Variants in CCR9 observed in about 807,000 individuals in gnomAD.
CCR9 encodes the protein C-C motif chemokine receptor 9.
CCR9 carries 4 observed loss-of-function variants against 8.7 expected under a neutral mutation model. That is an observed-to-expected ratio of 0.46 (90% CI 0.23 to 1.06). CCR9 has a LOEUF of 1.06. CCR9 is among the 50% of genes least tolerant of loss of function. CCR9 has a pLI of 0.21. For missense variants in CCR9, 394 were observed against 453.6 expected (o/e 0.87, Z 1.19); for synonymous variants, 159 against 168.8 (o/e 0.94, Z 0.45).
chr3:45,888,034 C>CAATA (rs1702036642), intron 1 of CCR9, among the ~76,000 whole-genome samples: 1 of 152,214 alleles, frequency 6.6e-6, no homozygotes. Context: ...GCTGTGTGCA[C>CAATA]AATAACCCCA....
chr3:45,887,702 T>C (rs1702024824), intron 1 of CCR9, among the ~76,000 whole-genome samples: 1 of 152,216 alleles, frequency 6.6e-6, no homozygotes, highest in South Asian at 2.1e-4. Context: ...TTCCAATATC[T>C]GCTTATCTGT....
At position 45,901,017 on chromosome 3, in the gene CCR9, AC is replaced by A; in HGVS notation, c.230del (p.Thr77LysfsTer3). The A allele has an allele frequency of 1.2e-6, 2 of 1,614,172 alleles. No individual in the cohort carries two copies. The highest frequency in any genetic ancestry group is 1.7e-6 in the Non-Finnish European group (2 of 1,180,022). The stretch of plus-strand genomic sequence containing the variant: ...TGTTATCCTTGTCTACTGGTACTGC[AC>A]AAGAGTGAAGACCATGACCGACATG... ...SLVILVYWYC[T>X]RVKTMTDMFL... On this transcript the variant is annotated frameshift_variant, in exon 3 of 3. Coordinates refer to ENST00000357632, the MANE Select transcript of CCR9 (RefSeq NM_031200.3). LOFTEE classifies it low-confidence loss of function (END_TRUNC). This position sits in a 1 kb window ranked among gnomAD's most constrained non-coding sequence, Gnocchi z 4.3.
intron 1 of CCR9, among the ~76,000 whole-genome samples, chr3:45,889,620 A>G (rs1160319594): frequency 6.6e-6 from 1 of 152,060 alleles, no homozygotes; most frequent in African/African-American, 2.4e-5. Context: ...CACTGGTCAC[A>G]GTGGTTCAGT....
chr3:45,887,592 T>C (rs1702021561), intron 1 of CCR9, among the ~76,000 whole-genome samples: 1 of 152,254 alleles, frequency 6.6e-6, no homozygotes, highest in South Asian at 2.1e-4. Context: ...GGAAGGGCTG[T>C]GCAGCAGCCA....
rs565961298 is a variant in CCR9, at chr3:45,899,574, G to C, written c.22-1236G>C. Among the ~76,000 whole-genome samples, 115 of 152,312 alleles carry C rather than the reference G, an allele frequency of 7.6e-4. 1 individual carries two copies. The highest frequency in any genetic ancestry group is 2.6e-3 in the African/African-American group (108 of 41,574). On this transcript the variant is annotated intron_variant, in intron 2 of 2. Transcript: ENST00000357632. Reference sequence around the variant, plus strand: ...TGCATTTGCCTCAGGATAAATAAAAGTAGAGATGAGATTTGGCAAGGAATG... The same window carrying C: ...TGCATTTGCCTCAGGATAAATAAAACTAGAGATGAGATTTGGCAAGGAATG...
rs12721497 is a variant in CCR9 at position 45,901,638 on chromosome 3, A to G, written c.850A>G (p.Met284Val). ...LLVQTIDAYA[M>V]FISNCAVSTN... ...GGTGCAGACCATTGACGCCTATGCC[A>G]TGTTCATCTCCAACTGTGCCGTTTC... Residue 284 changes from methionine (M) to valine (V), a missense_variant, in exon 3 of 3, where the codon ATG becomes GTG. Physicochemically the swap from Met to Val is conservative, Grantham distance 21. Transcript: ENST00000357632. The surrounding 1 kb of genome is among the most constrained non-coding windows in gnomAD (Gnocchi z 4.3). The G allele has an allele frequency of 1.9e-3, 3,002 of 1,614,184 alleles. 15 individuals carry two copies. The highest frequency in any genetic ancestry group is 0.015 in the African/African-American group (1,146 of 75,042).
At chr3:45,898,693 A>C (rs79863066) in intron 2 of CCR9, among the ~76,000 whole-genome samples, 2,183 of 152,342 alleles carry the variant, frequency 0.014, 52 homozygotes, top group African/African-American at 0.049. Context: ...CCCAAATAGG[A>C]CTAACATCTA....
At chr3:45,894,694 A>G (rs890800701) in intron 1 of CCR9, among the ~76,000 whole-genome samples, 1 of 152,222 alleles carries the variant, frequency 6.6e-6, no homozygotes, top group Admixed American at 6.5e-5. Context: ...AAAGAAGTGA[A>G]TGATAACTTC....
intron 2 of CCR9, chr3:45,897,743 T>C: frequency 1.5e-6 from 1 of 655,038 alleles, no homozygotes; most frequent in South Asian, 2.0e-5. Flanking sequence ...GCATGCCCTC[T>C]TTCCTCCCTT....
chr3:45,886,158 G>A (rs143323327), upstream of CCR9, among the ~76,000 whole-genome samples: 1,475 of 152,280 alleles, frequency 9.7e-3, 56 homozygotes, highest in Admixed American at 0.086. Context: ...TGCTACATCT[G>A]CCACTGGGTG....
chr3:45,893,303 C>T (rs1373884475), intron 1 of CCR9, among the ~76,000 whole-genome samples: 2 of 152,114 alleles, frequency 1.3e-5, no homozygotes, highest in Admixed American at 6.5e-5. Flanking sequence ...TACAGGCGCA[C>T]ACCACCACAC....
At chr3:45,897,077 C>G (rs1433634135) in intron 2 of CCR9, among the ~76,000 whole-genome samples, 1 of 152,164 alleles carries the variant, frequency 6.6e-6, no homozygotes, top group Non-Finnish European at 1.5e-5. Flanking sequence ...GGAGCAACAG[C>G]CTGTGGGCTC....
At position 45,900,809 on chromosome 3, in the gene CCR9, G is replaced by A. The variant is rs756208999; in HGVS notation, c.22-1G>A. The stretch of plus-strand genomic sequence containing the variant: ...TAATGCCATCTTGTGTCCCCTTGCA[G>A]AGCCCTATTCCTAACATGGCTGATG... On this transcript the variant is annotated splice_acceptor_variant, in intron 2 of 2. Coordinates refer to ENST00000357632, the MANE Select transcript of CCR9 (RefSeq NM_031200.3). LOFTEE classifies it high-confidence loss of function. The surrounding 1 kb of genome is among the most constrained non-coding windows in gnomAD (Gnocchi z 4.7). 8 of 1,606,234 alleles carry A rather than the reference G, an allele frequency of 5.0e-6. No homozygotes were observed. In the South Asian group the frequency reaches 8.9e-5, roughly 18 times the overall value.
rs903792585 is a variant in CCR9, at chr3:45,900,773, T to A, written c.22-37T>A. On this transcript the variant is annotated intron_variant, in intron 2 of 2. Transcript: ENST00000357632. This position sits in a 1 kb window ranked among gnomAD's most constrained non-coding sequence, Gnocchi z 4.7. The stretch of plus-strand genomic sequence containing the variant: ...CCATCAGACAGGACCTTCAAAATAT[T>A]TTCCTTGACCTAATGCCATCTTGTG... 1 of 1,571,472 alleles carries A rather than the reference T, an allele frequency of 6.4e-7. No homozygotes were observed. Among genetic ancestry groups the A allele is most frequent in the Non-Finnish European group, 8.6e-7 (1 of 1,157,874 alleles).
chr3:45,899,238 T>C (rs1702467903), intron 2 of CCR9, among the ~76,000 whole-genome samples: 1 of 152,232 alleles, frequency 6.6e-6, no homozygotes, highest in South Asian at 2.1e-4. Flanking sequence ...TCAGGAGTAT[T>C]GTGAATTTCA....
intron 2 of CCR9, chr3:45,897,452 G>T: frequency 1.4e-6 from 1 of 732,058 alleles, no homozygotes; most frequent in Non-Finnish European, 2.4e-6. Context: ...TCCTTGTCTG[G>T]GATTCAGTCT....
chr3:45,887,060 C>T (rs73830605), intron 1 of CCR9, among the ~76,000 whole-genome samples: 3,920 of 152,186 alleles, frequency 0.026, 172 homozygotes, highest in African/African-American at 0.087. Flanking sequence ...GGAAACTATG[C>T]ATCAGGAGGC....
intron 2 of CCR9, chr3:45,897,480 C>A: frequency 1.2e-6 from 1 of 844,838 alleles, no homozygotes; most frequent in Non-Finnish European, 1.9e-6. Flanking sequence ...GTTAGCTGTG[C>A]CTGCTCACCG....
At position 45,901,748 on chromosome 3, in the gene CCR9, G is replaced by A; in HGVS notation, c.960G>A (p.Val320=). The change falls in exon 3 of 3, where the codon GTG becomes GTA. Residue 320 remains valine, a synonymous_variant. Coordinates refer to ENST00000357632, the MANE Select transcript of CCR9 (RefSeq NM_031200.3). This position sits in a 1 kb window ranked among gnomAD's most constrained non-coding sequence, Gnocchi z 4.3. ...TGAACCCTGTTCTCTATGTTTTTGT[G>A]GGTGAGAGATTCCGCCGGGATCTCG... ...SCLNPVLYVF[V]GERFRRDLVK... The A allele has an allele frequency of 6.2e-7, 1 of 1,614,186 alleles. No individual in the cohort carries two copies. Among genetic ancestry groups the A allele is most frequent in the Non-Finnish European group, 8.5e-7 (1 of 1,180,040 alleles).
Sources: gnomAD v4.1 joint callset for allele counts (sites outside exome capture counted in the v4.1 genomes callset) on GRCh38, gnomAD v4.1.1 for gene constraint, Gnocchi (gnomAD v3.1) non-coding constraint, MANE v1.5 for transcripts, NCBI Gene and HGNC (gene_info 2026-07-23, HGNC 2026-07-21) for gene names.